The following AKAP13 variants were observed in gnomAD, a reference collection of about 807,000 sequenced individuals.
AKAP13 encodes the protein A-kinase anchor protein 13.
AKAP13 carries 80 observed loss-of-function variants against 264.5 expected under a neutral mutation model. The observed-to-expected ratio is 0.30, with a 90% CI of 0.25 to 0.36. AKAP13 has a LOEUF of 0.36. Ranked by LOEUF, AKAP13 falls within the 10% of genes least tolerant of loss-of-function variation. The probability of loss-of-function intolerance (pLI) is 1.00; values close to 1 mark genes in which losing one functional copy is unlikely to be tolerated. For missense variants in AKAP13, 3,712 were observed against 3,435.2 expected, an observed-to-expected ratio of 1.08 and a Z score of -2.01; for synonymous variants, 1,380 against 1,250.2, an observed-to-expected ratio of 1.10 and a Z score of -2.19.
At chr15:85,609,820 C>T (rs2151387350) in intron 8 of AKAP13, among the ~76,000 whole-genome samples, 1 of 152,290 alleles carries the variant, frequency 6.6e-6, no homozygotes, top group South Asian at 2.1e-4. Flanking sequence ...ATATGCAACA[C>T]CCACCTCCTC....
intron 2 of AKAP13, among the ~76,000 whole-genome samples, chr15:85,498,197 GAGATATAT>G (rs1211971381): frequency 1.1e-3 from 32 of 30,076 alleles, no homozygotes; most frequent in Admixed American, 2.6e-3. Flanking sequence ...TAAATGAAGT[GAGATATAT>G]ATATATATAT....
chr15:85,682,104 C>A (rs560330191), intron 14 of AKAP13, 54 bp from the exon 15 acceptor site: 2 of 1,498,466 alleles, frequency 1.3e-6, no homozygotes, highest in African/African-American at 1.4e-5. Context: ...ATATTCTACC[C>A]GGCATCAGTG....
At chr15:85,651,353 C>T (rs2082835820) in intron 10 of AKAP13, among the ~76,000 whole-genome samples, 1 of 152,156 alleles carries the variant, frequency 6.6e-6, no homozygotes, top group South Asian at 2.1e-4. Flanking sequence ...ATCCTTCTGT[C>T]CACCCAGTTT....
At chr15:85,695,508 C>T (rs1221354555) in intron 17 of AKAP13, among the ~76,000 whole-genome samples, 1 of 152,202 alleles carries the variant, frequency 6.6e-6, no homozygotes, top group Non-Finnish European at 1.5e-5. Context: ...GGAGTTACAG[C>T]TAGCACACAG....
intron 1 of AKAP13, among the ~76,000 whole-genome samples, chr15:85,485,503 C>G (rs1392248191): frequency 6.6e-6 from 1 of 152,196 alleles, no homozygotes; most frequent in Non-Finnish European, 1.5e-5. Context: ...CTTTCTTCCC[C>G]ACTTGAAAAG....
chr15:85,620,768 T>C (rs1314923424), intron 8 of AKAP13, among the ~76,000 whole-genome samples: 1 of 152,218 alleles, frequency 6.6e-6, no homozygotes, highest in Non-Finnish European at 1.5e-5. Context: ...ACTTTGTTGA[T>C]AGCTGTATTT....
Position 85,639,390 on chromosome 15 carries a change from G to C in AKAP13, c.4178G>C (p.Trp1393Ser). The C allele has an allele frequency of 6.2e-7, 1 of 1,611,242 alleles. No homozygotes were observed. The highest frequency in any genetic ancestry group is 8.5e-7 in the Non-Finnish European group (1 of 1,178,920). ...TTCTTTCAGATAAACCGAGAAAACT[G>C]GTGTACAATAGAGCCATGCCCTGAT... ...PMTQAINREN[W>S]CTIEPCPDAA... Residue 1393 changes from tryptophan to serine, a missense_variant, in exon 9 of 37, where the codon TGG becomes TCG. Coordinates refer to ENST00000394518, the MANE Select transcript of AKAP13 (RefSeq NM_007200.5).
intron 5 of AKAP13, among the ~76,000 whole-genome samples, chr15:85,571,596 T>G (rs1392869508): frequency 1.3e-5 from 2 of 152,256 alleles, no homozygotes; most frequent in Non-Finnish European, 2.9e-5. Context: ...ATCCACCACA[T>G]TTAAAATTGC....
chr15:85,486,753 T>C (rs1183611971), intron 2 of AKAP13, among the ~76,000 whole-genome samples: 1 of 148,158 alleles, frequency 6.7e-6, no homozygotes, highest in Non-Finnish European at 1.5e-5. Flanking sequence ...TTTTTTTTTT[T>C]TTTTGGATGG....
intron 1 of AKAP13, among the ~76,000 whole-genome samples, chr15:85,426,325 A>G (rs1480784718): frequency 1.3e-5 from 2 of 152,256 alleles, no homozygotes; most frequent in Admixed American, 1.3e-4. Context: ...GCAAGAACTC[A>G]GTCATCTCCC....
At chr15:85,476,859 C>G (rs1366387824) in intron 1 of AKAP13, among the ~76,000 whole-genome samples, 1 of 151,972 alleles carries the variant, frequency 6.6e-6, no homozygotes, top group Non-Finnish European at 1.5e-5. Flanking sequence ...AAAATAAGTA[C>G]GTTTAATTTT....
intron 1 of AKAP13, among the ~76,000 whole-genome samples, chr15:85,457,317 C>T (rs987854173): frequency 6.6e-6 from 1 of 152,176 alleles, no homozygotes; most frequent in African/African-American, 2.4e-5. Flanking sequence ...AAGAAATTAT[C>T]CACCAGAAAT....
At chr15:85,545,082 G>C (rs748497836) in intron 5 of AKAP13, among the ~76,000 whole-genome samples, 4 of 152,190 alleles carry the variant, frequency 2.6e-5, no homozygotes, top group Non-Finnish European at 4.4e-5. Context: ...GGGTGCTACA[G>C]ATACAGTGGT....
chr15:85,735,607 G>C lies in AKAP13; in HGVS notation c.7489G>C (p.Glu2497Gln). ...GDDGQDLRRT[E>Q]SDSGLKKGGN... is the part of the protein sequence containing the mutation. ...TGATGGCCAAGATCTTAGGAGAACG[G>C]AATCAGATAGTGGCCTAAAAAAGGT... The change falls in exon 32 of 37, where the codon GAA becomes CAA. Residue 2497 changes from glutamate to glutamine, a missense_variant. By Grantham distance (29) the Glu-to-Gln change is conservative (BLOSUM62 2). Transcript: ENST00000394518. 1 of 1,613,298 alleles carries C rather than the reference G, an allele frequency of 6.2e-7. No individual in the cohort carries two copies. Among genetic ancestry groups the C allele is most frequent in the Non-Finnish European group, 8.5e-7 (1 of 1,179,752 alleles).
chr15:85,637,836 A>G (rs34048547), intron 8 of AKAP13, among the ~76,000 whole-genome samples: 30,965 of 139,614 alleles, frequency 0.22, 4,251 homozygotes, highest in Middle Eastern at 0.45. Context: ...AATTTAAAAT[A>G]TTTTCTTCTT....
intron 8 of AKAP13, among the ~76,000 whole-genome samples, chr15:85,589,027 C>T (rs1207530382): frequency 6.6e-6 from 1 of 152,156 alleles, no homozygotes; most frequent in Admixed American, 6.5e-5. Context: ...GGCCTAAATT[C>T]AGGAAGTTTT....
chr15:85,488,199 A>G (rs1487829061), intron 2 of AKAP13, among the ~76,000 whole-genome samples: 1 of 152,156 alleles, frequency 6.6e-6, no homozygotes, highest in East Asian at 1.9e-4. Context: ...TAATTTTTAG[A>G]GATAAGGTCT....
At chr15:85,492,713 C>G (rs2151073924) in intron 2 of AKAP13, among the ~76,000 whole-genome samples, 1 of 152,276 alleles carries the variant, frequency 6.6e-6, no homozygotes, top group South Asian at 2.1e-4. Flanking sequence ...TTATAGCACC[C>G]TTTTCCTTTT....
Position 85,579,200 on chromosome 15 carries a change from A to G in AKAP13, c.1132A>G (p.Arg378Gly), listed in dbSNP as rs2079109719. The G allele has an allele frequency of 1.9e-6, 3 of 1,614,252 alleles. No individual in the cohort carries two copies. Among genetic ancestry groups the G allele is most frequent in the Non-Finnish European group, 2.5e-6 (3 of 1,180,040 alleles). The change falls in exon 7 of 37, where the codon AGA (arginine) becomes GGA (glycine). Residue 378 changes from arginine to glycine, a missense_variant. Coordinates refer to ENST00000394518, the MANE Select transcript of AKAP13 (RefSeq NM_007200.5). ...TAGGAAGAAAAATAAAGGCGTGGAA[A>G]GAAAAGGGGAAGAGGTGGAGCCAGC... is the stretch of plus-strand genomic sequence containing the variant. ...SCRKKNKGVE[R>G]KGEEVEPAPI... is the part of the protein sequence containing the mutation.
Sources: gnomAD v4.1 joint callset for allele counts (sites outside exome capture counted in the v4.1 genomes callset) on GRCh38, gnomAD v4.1.1 for gene constraint, MANE v1.5 for transcripts, NCBI Gene and HGNC (gene_info 2026-07-23, HGNC 2026-07-21) for gene names.